The following HRK variants were observed in gnomAD, a reference collection of about 807,000 sequenced individuals.
HRK encodes activator of apoptosis harakiri.
A neutral mutation model predicts 5.9 loss-of-function variants in HRK; 6 were observed. The observed-to-expected ratio is 1.02, with a 90% CI of 0.56 to 2.01. The LOEUF is 2.01. Ranked by LOEUF, HRK falls within the 30% of genes most tolerant of loss-of-function variation. The pLI is 0.00. For synonymous variants in HRK, 85 were observed against 65.1 expected, an observed-to-expected ratio of 1.31 and a Z score of -1.47; for missense variants, 133 against 128.3, an observed-to-expected ratio of 1.04 and a Z score of -0.18.
rs1555211661 is a variant in HRK, at chr12:116,856,287, T to C, written c.*5236A>G. 4 of 152,334 alleles carry C rather than the reference T, an allele frequency of 2.6e-5. No individual in the cohort carries two copies. The South Asian group carries it at 6.2e-4, about 24-fold the overall frequency. 9.4% of individuals were successfully genotyped at this position (152,334 alleles called of 1,614,324 possible). On this transcript the variant is annotated 3_prime_UTR_variant, in exon 2 of 2. Transcript: ENST00000257572. This position sits in a 1 kb window ranked among gnomAD's most constrained non-coding sequence, Gnocchi z 4.4. ...CCAGAACGGAACGTCCCCAAGCTTA[T>C]TGCCTCTCTGGCTAGGCCAGAGGCC...
At position 116,879,964 on chromosome 12, in the gene HRK, T is replaced by A. The variant is rs1047880483; in HGVS notation, c.*56+1012A>T. Among the ~76,000 whole-genome samples, 1 of 152,170 alleles carries A rather than the reference T, an allele frequency of 6.6e-6. No individual in the cohort carries two copies. The highest frequency in any genetic ancestry group is 1.5e-5 in the Non-Finnish European group (1 of 68,028). On this transcript the variant is annotated intron_variant, in intron 1 of 1. Coordinates refer to ENST00000257572, the MANE Select transcript of HRK (RefSeq NM_003806.4). The surrounding 1 kb of genome is among the most constrained non-coding windows in gnomAD (Gnocchi z 5.6). ...TCTCCCTCATTCTCTGCAGCGCTCC[T>A]CGCTACTCCAGGATCCAGAGTAGTA...
At chr12:116,868,201 C>T (rs1326965970) in intron 1 of HRK, among the ~76,000 whole-genome samples, 3 of 151,786 alleles carry the variant, frequency 2.0e-5, no homozygotes, top group African/African-American at 7.3e-5. Context: ...AGTGATCCTC[C>T]TGCCCCAGCT....
At chr12:116,880,878 G>T (rs139859241) in intron 1 of HRK, 98 bp downstream of exon 1, 17 of 418,140 alleles carry the variant, frequency 4.1e-5, no homozygotes, top group Admixed American at 2.4e-4. Context: ...GAAGGGAAAA[G>T]AAGAAAGCCA....
At chr12:116,871,634 T>TA (rs1565884235) in intron 1 of HRK, among the ~76,000 whole-genome samples, 1 of 150,120 alleles carries the variant, frequency 6.7e-6, no homozygotes, top group African/African-American at 2.4e-5. Context: ...TATTATTATT[T>TA]TTTTTTTTTT....
chr12:116,881,190 G>A lies in HRK; in HGVS notation c.118C>T (p.Leu40=), dbSNP rs1286240753. The A allele has an allele frequency of 2.6e-6, 3 of 1,148,648 alleles. No individual in the cohort carries two copies. The highest frequency in any genetic ancestry group is 3.2e-6 in the Non-Finnish European group (3 of 935,954). 71.2% of individuals were successfully genotyped at this position (1,148,648 alleles called of 1,614,324 possible). Residue 40 remains leucine (L), a synonymous_variant, in exon 1 of 2, where the codon CTA becomes TTA. Coordinates refer to ENST00000257572, the MANE Select transcript of HRK (RefSeq NM_003806.4). ...GTGCGCTGGTGCAGCTCGTCGCCTA[G>A]CGCCTTGAGCCGGGCGGCGGTGAGC... ...AQLTAARLKA[L]GDELHQRTMW...
Position 116,879,049 on chromosome 12 carries a change from G to A in HRK, c.*56+1927C>T, listed in dbSNP as rs1448956595. On this transcript the variant is annotated intron_variant, in intron 1 of 1. Coordinates refer to ENST00000257572, the MANE Select transcript of HRK (RefSeq NM_003806.4). This position sits in a 1 kb window ranked among gnomAD's most constrained non-coding sequence, Gnocchi z 5.6. ...CGCAGCCTCCCCTTCCAGGCCCCGG[G>A]AGCATTCCCACCCCGACACTCACAC... 6.6e-6 allele frequency: 1 copy of A among 152,246 alleles called. No homozygotes were observed. The highest frequency in any genetic ancestry group is 3.1e-3 in the Middle Eastern group (1 of 318). The allele number at this position is 152,246 out of a possible 1,614,324, so 9.4% of individuals were successfully genotyped here.
intron 1 of HRK, among the ~76,000 whole-genome samples, chr12:116,875,256 C>T (rs991628395): frequency 6.6e-6 from 1 of 152,130 alleles, no homozygotes; most frequent in Non-Finnish European, 1.5e-5. Flanking sequence ...GATCCTGGAA[C>T]CACTCCCGCC....
chr12:116,874,178 C>A (rs1878855592), intron 1 of HRK, among the ~76,000 whole-genome samples: 1 of 152,138 alleles, frequency 6.6e-6, no homozygotes, highest in African/African-American at 2.4e-5. Context: ...CACCTGAGGG[C>A]TGTGGCTGGG....
chr12:116,872,603 T>C (rs1266899923), intron 1 of HRK, among the ~76,000 whole-genome samples: 1 of 151,554 alleles, frequency 6.6e-6, no homozygotes, highest in South Asian at 2.1e-4. Context: ...AGCAAAACCC[T>C]GTCTCTACAA....
intron 1 of HRK, among the ~76,000 whole-genome samples, chr12:116,869,953 A>G (rs771949977): frequency 4.6e-5 from 7 of 152,086 alleles, no homozygotes; most frequent in South Asian, 2.1e-4. Flanking sequence ...GGTGGTGGGC[A>G]CCTGTAATCC....
At chr12:116,861,995 G>T (rs991392022) in intron 1 of HRK, among the ~76,000 whole-genome samples, 1 of 152,134 alleles carries the variant, frequency 6.6e-6, no homozygotes, top group Admixed American at 6.6e-5. Flanking sequence ...CCCCTTGAGG[G>T]GCTCAGAACC....
At chr12:116,866,379 A>G (rs1323343004) in intron 1 of HRK, among the ~76,000 whole-genome samples, 1 of 148,334 alleles carries the variant, frequency 6.7e-6, no homozygotes, top group Non-Finnish European at 1.5e-5. Flanking sequence ...CAATATAGCA[A>G]GACCCTGTCT....
intron 1 of HRK, among the ~76,000 whole-genome samples, chr12:116,871,092 TTTTTGTTTTGTTTTGTTTTGTTTTG>T (rs57267390): frequency 2.7e-5 from 4 of 148,336 alleles, no homozygotes; most frequent in African/African-American, 5.1e-5. Flanking sequence ...CTAATTTTTG[TTTTTGTTTTGTTTTGTTTTGTTTTG>T]TTTTGTTTTG....
intron 1 of HRK, among the ~76,000 whole-genome samples, chr12:116,880,392 G>A (rs751409876): frequency 2.6e-5 from 4 of 152,170 alleles, no homozygotes; most frequent in African/African-American, 9.7e-5. Flanking sequence ...CGCGGAGCTT[G>A]GGAAGAAAGA....
chr12:116,873,833 C>T (rs73393784), intron 1 of HRK, among the ~76,000 whole-genome samples: 4,070 of 152,210 alleles, frequency 0.027, 180 homozygotes, highest in African/African-American at 0.093. Flanking sequence ...AAGGAAGGAG[C>T]TTTCTCCTTG....
rs1878409597 is a variant in HRK at position 116,862,712 on chromosome 12, G to C, written c.*57-1246C>G. On this transcript the variant is annotated intron_variant, in intron 1 of 1. Coordinates refer to ENST00000257572, the MANE Select transcript of HRK (RefSeq NM_003806.4). This position sits in a 1 kb window ranked among gnomAD's most constrained non-coding sequence, Gnocchi z 4.0. Reference sequence around the variant, plus strand: ...ACACCTTAAAAAGGTAGGGTTTTTTGTTTGTTTGTTTGTTTGTTTGTTTGT... The same window carrying C: ...ACACCTTAAAAAGGTAGGGTTTTTTCTTTGTTTGTTTGTTTGTTTGTTTGT... 1.2e-4 allele frequency among the ~76,000 whole-genome samples: 2 copies of C among 16,910 alleles called. No homozygotes were observed. The highest frequency in any genetic ancestry group is 1.1e-3 in the Admixed American group (1 of 900). 11.1% of individuals were successfully genotyped at this position (16,910 alleles called of 152,430 possible).
At position 116,881,228 on chromosome 12, in the gene HRK, G is replaced by A. The variant is rs1879143572; in HGVS notation, c.80C>T (p.Ser27Leu). 1 of 1,111,352 alleles carries A rather than the reference G, an allele frequency of 9.0e-7. No homozygotes were observed. The highest frequency in any genetic ancestry group is 1.1e-6 in the Non-Finnish European group (1 of 912,744). The allele number at this position is 1,111,352 out of a possible 1,614,324, so 68.8% of individuals were successfully genotyped here. A position where few individuals can be genotyped will look rare whatever the true frequency, so the allele number is the denominator to read the frequency against. Residue 27 changes from serine to leucine, a missense_variant, in exon 1 of 2, where the codon TCG becomes TTG. Physicochemically the swap from Ser to Leu is moderately radical, Grantham distance 145. Coordinates refer to ENST00000257572, the MANE Select transcript of HRK (RefSeq NM_003806.4). ...GGCGGCGGTGAGCTGCGCGGCGGACGAGCGCAGCCCCAGGCGACCCGCGCT... is the reference window on the plus strand; with the variant it reads ...GGCGGCGGTGAGCTGCGCGGCGGACAAGCGCAGCCCCAGGCGACCCGCGCT... ...ACSAGRLGLRSSAAQLTAARL... is the reference protein window; with the variant it reads ...ACSAGRLGLRLSAAQLTAARL...
At chr12:116,877,381 C>T (rs1878975030) in intron 1 of HRK, among the ~76,000 whole-genome samples, 1 of 152,252 alleles carries the variant, frequency 6.6e-6, no homozygotes, top group East Asian at 1.9e-4. Context: ...AATGAATGTT[C>T]TCTTATCATT....
rs963744424 is a variant in HRK at position 116,879,656 on chromosome 12, G to A, written c.*56+1320C>T. 1.3e-5 allele frequency: 2 copies of A among 152,138 alleles called. No homozygotes were observed. Among genetic ancestry groups the A allele is most frequent in the Admixed American group, 6.5e-5 (1 of 15,274 alleles). The allele number at this position is 152,138 out of a possible 1,614,324, so 9.4% of individuals were successfully genotyped here. On this transcript the variant is annotated intron_variant, in intron 1 of 1. Transcript: ENST00000257572. This position sits in a 1 kb window ranked among gnomAD's most constrained non-coding sequence, Gnocchi z 5.6. ...CGCGCATTTCTCTTCGCCAGCGCCC[G>A]GGCTGCGCGGGCCCACGCGACATCT...
Sources: allele counts gnomAD v4.1 joint callset (sites outside exome capture counted in the v4.1 genomes callset), GRCh38; gene constraint gnomAD v4.1.1; non-coding constraint Gnocchi (gnomAD v3.1); transcripts MANE v1.5; gene names NCBI Gene and HGNC (gene_info 2026-07-23, HGNC 2026-07-21).